The following FAT3 variants were observed in gnomAD, a reference collection of about 807,000 sequenced individuals.
The protein encoded by FAT3 is protocadherin Fat 3.
FAT3 carries 95 observed loss-of-function variants against 310.2 expected under a neutral mutation model. That is an observed-to-expected ratio of 0.31 (90% confidence interval 0.26 to 0.36). The LOEUF is 0.36. Ranked by LOEUF, FAT3 falls within the 10% of genes least tolerant of loss-of-function variation. The pLI, the probability that FAT3 is intolerant of heterozygous loss-of-function variation, is 1.00. For missense variants in FAT3, 5,408 were observed against 5,715.6 expected (o/e 0.95, Z 1.74); for synonymous variants, 2,314 against 2,192.9 (o/e 1.06, Z -1.54).
rs58520864 is a variant in FAT3, at chr11:92,882,585, T to TCCCCC, written c.12282-147_12282-143dup. Reference sequence around the variant, plus strand: ...CAGAAATGCCTAAATTAACTCCCCCTCCCCCCCCCCACCAACCATCTTTGT... The same window carrying TCCCCC: ...CAGAAATGCCTAAATTAACTCCCCCTCCCCCCCCCCCCCCCACCAACCATCTTTGT... On this transcript the variant is annotated intron_variant, in intron 23 of 27. Transcript: ENST00000525166. 7.9e-3 allele frequency among the ~76,000 whole-genome samples: 729 copies of TCCCCC among 92,630 alleles called. 13 individuals carry two copies. The highest frequency in any genetic ancestry group is 0.034 in the South Asian group (73 of 2,154). 60.8% of individuals were successfully genotyped at this position (92,630 alleles called of 152,430 possible).
At chr11:92,880,993 G>A in intron 23 of FAT3, 109 bp downstream of exon 23, 1 of 1,230,850 alleles carries the variant, frequency 8.1e-7, no homozygotes, top group Non-Finnish European at 1.1e-6. Context: ...TACAGGCAAA[G>A]GGTTAACATC....
intron 3 of FAT3, among the ~76,000 whole-genome samples, chr11:92,585,667 A>G (rs937481884): frequency 1.3e-5 from 2 of 152,130 alleles, no homozygotes; most frequent in African/African-American, 4.8e-5. Flanking sequence ...CAGAGAGGTT[A>G]AGTCAATTGG....
chr11:92,597,022 T>A (rs1327786354), intron 3 of FAT3, among the ~76,000 whole-genome samples: 1 of 152,196 alleles, frequency 6.6e-6, no homozygotes, highest in African/African-American at 2.4e-5. Flanking sequence ...TCCATATCCC[T>A]GTCTCATTGT....
intron 3 of FAT3, among the ~76,000 whole-genome samples, chr11:92,581,754 A>G (rs1437377524): frequency 6.6e-6 from 1 of 152,030 alleles, no homozygotes; most frequent in Non-Finnish European, 1.5e-5. Flanking sequence ...ATACACATAC[A>G]TATATTGATA....
intron 2 of FAT3, among the ~76,000 whole-genome samples, chr11:92,463,308 C>T (rs1468532895): frequency 6.6e-6 from 1 of 152,112 alleles, no homozygotes; most frequent in African/African-American, 2.4e-5. Flanking sequence ...ATTATTGAAT[C>T]GTTAGTGTGT....
intron 2 of FAT3, among the ~76,000 whole-genome samples, chr11:92,420,680 C>T (rs944327698): frequency 6.6e-6 from 1 of 152,128 alleles, no homozygotes; most frequent in African/African-American, 2.4e-5. Flanking sequence ...GGCATCTTGA[C>T]TCAGTAAATC....
intron 8 of FAT3, 99 bp from the exon 9 acceptor site, chr11:92,792,668 G>T: frequency 8.8e-7 from 1 of 1,135,306 alleles, no homozygotes; most frequent in Non-Finnish European, 1.3e-6. Context: ...CAAGCACTTT[G>T]CGTGCATTAT....
At chr11:92,306,109 T>C (rs1947109764) in intron 1 of FAT3, among the ~76,000 whole-genome samples, 1 of 152,134 alleles carries the variant, frequency 6.6e-6, no homozygotes, top group Non-Finnish European at 1.5e-5. Context: ...GGAGATATTA[T>C]GCTTTATTGA....
chr11:92,703,908 A>G (rs1366013059), intron 4 of FAT3, among the ~76,000 whole-genome samples: 1 of 152,236 alleles, frequency 6.6e-6, no homozygotes, highest in Admixed American at 6.5e-5. Context: ...AGAAACTGTT[A>G]TTAATTCGTA....
At chr11:92,510,397 T>A (rs115318362) in intron 2 of FAT3, among the ~76,000 whole-genome samples, 60 of 152,258 alleles carry the variant, frequency 3.9e-4, no homozygotes, top group African/African-American at 1.4e-3. Context: ...GATTTGAGGC[T>A]GGGAATCATC....
intron 3 of FAT3, among the ~76,000 whole-genome samples, chr11:92,528,429 C>T (rs539156034): frequency 2.6e-5 from 4 of 152,300 alleles, no homozygotes; most frequent in South Asian, 2.1e-4. Context: ...CTCAGTCGCC[C>T]AGGCTGGAGT....
At chr11:92,661,654 T>C (rs1377490283) in intron 3 of FAT3, among the ~76,000 whole-genome samples, 1 of 152,086 alleles carries the variant, frequency 6.6e-6, no homozygotes, top group African/African-American at 2.4e-5. Context: ...ATGGTCCCGT[T>C]TCTACCGATC....
chr11:92,891,533 T>C lies in FAT3; in HGVS notation c.*420T>C, dbSNP rs2136453041. The C allele has an allele frequency of 5.5e-6, 1 of 182,438 alleles. No individual in the cohort carries two copies. The highest frequency in any genetic ancestry group is 2.3e-5 in the African/African-American group (1 of 43,304). 11.3% of individuals were successfully genotyped at this position (182,438 alleles called of 1,614,324 possible). A position where few individuals can be genotyped will look rare whatever the true frequency, so the allele number is the denominator to read the frequency against. On this transcript the variant is annotated 3_prime_UTR_variant, in exon 28 of 28. Transcript: ENST00000525166. Reference sequence around the variant, plus strand: ...TGCATGTAATTTTGAGCCAATGAAATGAAAATAGTAGTAATGATTGTTGGA... The same window carrying C: ...TGCATGTAATTTTGAGCCAATGAAACGAAAATAGTAGTAATGATTGTTGGA...
intron 2 of FAT3, among the ~76,000 whole-genome samples, chr11:92,377,743 C>T (rs553672000): frequency 2.3e-4 from 35 of 152,190 alleles, no homozygotes; most frequent in Non-Finnish European, 4.4e-4. Flanking sequence ...TCAGTCAGAA[C>T]CTGGCATATG....
intron 3 of FAT3, among the ~76,000 whole-genome samples, chr11:92,532,578 A>C (rs1378968052): frequency 6.6e-6 from 1 of 152,182 alleles, no homozygotes; most frequent in East Asian, 1.9e-4. Flanking sequence ...AATAATAATA[A>C]TAACAAAACT....
At chr11:92,792,629 G>A (rs1406424130) in intron 8 of FAT3, 138 bp from the exon 9 acceptor site, 7 of 727,256 alleles carry the variant, frequency 9.6e-6, no homozygotes, top group Non-Finnish European at 1.6e-5. Flanking sequence ...ACCATTTACT[G>A]AGCACCTACT....
chr11:92,308,361 G>T (rs1377275278), intron 1 of FAT3, among the ~76,000 whole-genome samples: 2 of 152,078 alleles, frequency 1.3e-5, no homozygotes, highest in African/African-American at 4.8e-5. Flanking sequence ...CATGAGAATG[G>T]TTTCTTTTTT....
chr11:92,315,821 C>T (rs1947446516), intron 1 of FAT3, among the ~76,000 whole-genome samples: 1 of 151,642 alleles, frequency 6.6e-6, no homozygotes, highest in African/African-American at 2.4e-5. Context: ...CATGCCTGAT[C>T]CAATCATAAT....
intron 1 of FAT3, among the ~76,000 whole-genome samples, chr11:92,347,514 C>T (rs2134609091): frequency 6.6e-6 from 1 of 152,264 alleles, no homozygotes; most frequent in Admixed American, 6.5e-5. Context: ...TGGCAGAAAA[C>T]AGCTTTATCA....
Sources: gnomAD v4.1 joint callset for allele counts (sites outside exome capture counted in the v4.1 genomes callset) on GRCh38, gnomAD v4.1.1 for gene constraint, MANE v1.5 for transcripts, NCBI Gene and HGNC (gene_info 2026-07-23, HGNC 2026-07-21) for gene names.